Variants in CNTNAP4 observed in about 807,000 individuals in gnomAD.
CNTNAP4 encodes the protein contactin associated protein family member 4.
CNTNAP4 carries 98 observed loss-of-function variants against 148.4 expected under a neutral mutation model. The ratio of observed to expected loss-of-function variants is 0.66; its 90% CI spans 0.56 to 0.78. The LOEUF is 0.78. Among genes scored for constraint, CNTNAP4 ranks in the 30% least tolerant of loss-of-function variants. The pLI is 0.00. For synonymous variants in CNTNAP4, 730 were observed against 565.1 expected (o/e 1.29, Z -4.14); for missense variants, 1,935 against 1,565.6 (o/e 1.24, Z -3.98).
rs2080542131 is a variant in CNTNAP4, at chr16:76,452,555, T to G, written c.1119T>G (p.Thr373=). Residue 373 remains threonine (T), a synonymous_variant, in exon 8 of 24, where the codon ACT becomes ACG. Coordinates refer to ENST00000611870, the MANE Select transcript of CNTNAP4 (RefSeq NM_033401.5). ...CACAACCACAATCTATGCCCGTGAC[T>G]TTTCTGAGCTCCAGGAGTTATTTAG... The part of the protein sequence containing the change: ...SCSQPQSMPV[T]FLSSRSYLAL... 1 of 1,614,070 alleles carries G rather than the reference T, an allele frequency of 6.2e-7. No individual in the cohort carries two copies. Among genetic ancestry groups the G allele is most frequent in the East Asian group, 2.2e-5 (1 of 44,888 alleles).
At chr16:76,375,208 C>T (rs924129869) in intron 3 of CNTNAP4, among the ~76,000 whole-genome samples, 8 of 151,986 alleles carry the variant, frequency 5.3e-5, no homozygotes, top group South Asian at 2.1e-4. Flanking sequence ...GATAACTTGA[C>T]GTCAGAAGTT....
rs546531996 is a variant in CNTNAP4, at chr16:76,409,564, T to C, written c.391-17888T>C. Among the ~76,000 whole-genome samples, 9 of 152,116 alleles carry C rather than the reference T, an allele frequency of 5.9e-5. No individual in the cohort carries two copies. The East Asian group carries it at 1.7e-3, about 29-fold the overall frequency. On this transcript the variant is annotated intron_variant, in intron 3 of 23. Coordinates refer to ENST00000611870, the MANE Select transcript of CNTNAP4 (RefSeq NM_033401.5). ...TGGCTGAAGTATAATTTCCAAAAAT[T>C]ATATGCAAAGGCAAACTAGTTAAAA...
chr16:76,520,079 T>C (rs1009045808), intron 15 of CNTNAP4, among the ~76,000 whole-genome samples: 5 of 152,192 alleles, frequency 3.3e-5, no homozygotes, highest in African/African-American at 1.2e-4. Flanking sequence ...TTAGATAGAA[T>C]TTTATCCATG....
At chr16:76,419,588 G>A (rs74887215) in intron 3 of CNTNAP4, among the ~76,000 whole-genome samples, 1 of 152,018 alleles carries the variant, frequency 6.6e-6, no homozygotes, top group African/African-American at 2.4e-5. Context: ...TCTGGTGCCA[G>A]TGGCTTTTGT....
intron 13 of CNTNAP4, among the ~76,000 whole-genome samples, chr16:76,490,899 A>G (rs1486381723): frequency 6.6e-6 from 1 of 152,144 alleles, no homozygotes; most frequent in Non-Finnish European, 1.5e-5. Flanking sequence ...TACTTCTTTC[A>G]TGTTCACTCC....
intron 15 of CNTNAP4, among the ~76,000 whole-genome samples, chr16:76,516,786 A>G (rs1219879513): frequency 2.0e-5 from 3 of 152,244 alleles, no homozygotes; most frequent in East Asian, 1.9e-4. Context: ...ATTCTGGGCC[A>G]GAAGTGGTGG....
intron 3 of CNTNAP4, among the ~76,000 whole-genome samples, chr16:76,415,390 A>T (rs752343250): frequency 6.6e-6 from 1 of 151,186 alleles, no homozygotes; most frequent in African/African-American, 2.4e-5. Flanking sequence ...AACATAATTT[A>T]TAAGTTCTGC....
At chr16:76,555,591 A>T (rs1484655867) in intron 23 of CNTNAP4, among the ~76,000 whole-genome samples, 2 of 152,210 alleles carry the variant, frequency 1.3e-5, no homozygotes, top group Non-Finnish European at 2.9e-5. Flanking sequence ...ATAGAAATAT[A>T]GAGTGGTATA....
At chr16:76,504,689 G>C (rs2082776763) in intron 15 of CNTNAP4, among the ~76,000 whole-genome samples, 2 of 151,876 alleles carry the variant, frequency 1.3e-5, no homozygotes, top group Admixed American at 6.6e-5. Context: ...CTACAGACTG[G>C]GTGAAAATCT....
chr16:76,494,947 T>C lies in CNTNAP4; in HGVS notation c.2118T>C (p.Asn706=), dbSNP rs1005567362. ...TPLSWWVGRT[N]ETQTYWGGSS... ...TGAGTTGGTGGGTAGGAAGAACCAA[T>C]GAAACGCAAACCTACTGGGGAGGTT... is the stretch of plus-strand genomic sequence containing the variant. The change falls in exon 14 of 24, where the codon AAT becomes AAC. Residue 706 remains asparagine, a synonymous_variant. Transcript: ENST00000611870. 5.0e-6 allele frequency: 8 copies of C among 1,613,442 alleles called. No individual in the cohort carries two copies. The African/African-American group carries it at 1.1e-4, about 22-fold the overall frequency.
chr16:76,313,424 G>A (rs1334080618), intron 1 of CNTNAP4, among the ~76,000 whole-genome samples: 1 of 152,118 alleles, frequency 6.6e-6, no homozygotes, highest in Admixed American at 6.6e-5. Context: ...TCTCTTGTGT[G>A]TGTAAACATA....
chr16:76,354,729 C>T (rs2012346985), intron 2 of CNTNAP4, among the ~76,000 whole-genome samples: 1 of 152,216 alleles, frequency 6.6e-6, no homozygotes, highest in South Asian at 2.1e-4. Flanking sequence ...GTTATTTTCT[C>T]CTGCAAACAC....
rs142004531 is a variant in CNTNAP4 at position 76,382,131 on chromosome 16, C to T, written c.390+26620C>T. On this transcript the variant is annotated intron_variant, in intron 3 of 23. Transcript: ENST00000611870. Reference sequence around the variant, plus strand: ...GATAAACTATAGGGGAGGGATAGAACAGAGACAGAAGCTAGACTTTTTTTT... The same window carrying T: ...GATAAACTATAGGGGAGGGATAGAATAGAGACAGAAGCTAGACTTTTTTTT... Among the ~76,000 whole-genome samples, 368 of 128,434 alleles carry T rather than the reference C, an allele frequency of 2.9e-3. 1 individual carries two copies. Among genetic ancestry groups the T allele is most frequent in the African/African-American group, 9.8e-3 (338 of 34,370 alleles). The allele number at this position is 128,434 out of a possible 152,430, so 84.3% of individuals were successfully genotyped here.
intron 3 of CNTNAP4, among the ~76,000 whole-genome samples, chr16:76,363,160 C>CTT (rs34005199): frequency 6.5e-5 from 9 of 137,456 alleles, no homozygotes; most frequent in African/African-American, 1.9e-4. Flanking sequence ...AAACCCTTAT[C>CTT]TTTTTTTTTT....
chr16:76,368,566 AC>A (rs2014426379), intron 3 of CNTNAP4, among the ~76,000 whole-genome samples: 1 of 152,112 alleles, frequency 6.6e-6, no homozygotes, highest in Non-Finnish European at 1.5e-5. Flanking sequence ...GCAAACCAAC[AC>A]AGGAACAGAA....
chr16:76,481,310 T>C (rs1179062694), intron 12 of CNTNAP4, among the ~76,000 whole-genome samples: 1 of 152,254 alleles, frequency 6.6e-6, no homozygotes, highest in Non-Finnish European at 1.5e-5. Flanking sequence ...AATTCTAATT[T>C]AATTAAAATT....
At chr16:76,346,250 A>G (rs1436786381) in intron 2 of CNTNAP4, among the ~76,000 whole-genome samples, 1 of 152,128 alleles carries the variant, frequency 6.6e-6, no homozygotes, top group Non-Finnish European at 1.5e-5. Context: ...CGAATGTCTG[A>G]AATTGGTTTT....
In CNTNAP4 at chr16:76,522,256, G is replaced by T; in HGVS notation, c.2754G>T (p.Val918=). ...VLLQLNSQLF[V]GGTATRQRGF... is the part of the protein sequence containing the mutation. ...TACAGCTCAACAGTCAGCTCTTCGT[G>T]GGTAAGTTCTCTTTTTAAGCAATCA... Residue 918 remains valine, a splice_region_variant and synonymous_variant, in exon 17 of 24, where the codon GTG becomes GTT. Transcript: ENST00000611870. 1 of 1,613,282 alleles carries T rather than the reference G, an allele frequency of 6.2e-7. No individual in the cohort carries two copies. Among genetic ancestry groups the T allele is most frequent in the Non-Finnish European group, 8.5e-7 (1 of 1,179,578 alleles).
At chr16:76,415,253 C>G (rs892306431) in intron 3 of CNTNAP4, among the ~76,000 whole-genome samples, 9 of 151,156 alleles carry the variant, frequency 6.0e-5, no homozygotes, top group African/African-American at 2.2e-4. Flanking sequence ...CATCTTCTTA[C>G]TACTTCCCTG....
Sources: gnomAD v4.1 joint callset for allele counts (sites outside exome capture counted in the v4.1 genomes callset) on GRCh38, gnomAD v4.1.1 for gene constraint, MANE v1.5 for transcripts, NCBI Gene and HGNC (gene_info 2026-07-23, HGNC 2026-07-21) for gene names.